GGA2: variants seen among roughly 807,000 people sequenced by gnomAD.
GGA2 encodes golgi associated, gamma adaptin ear containing, ARF binding protein 2, also known as ADP-ribosylation factor-binding protein GGA2.
GGA2 carries 48 observed loss-of-function variants against 79.5 expected under a neutral mutation model. The observed-to-expected ratio is 0.60, with a 90% CI of 0.48 to 0.77. The LOEUF is 0.77. Ranked by LOEUF, GGA2 falls within the 30% of genes least tolerant of loss-of-function variation. The pLI, the probability that GGA2 is intolerant of heterozygous loss-of-function variation, is 0.00. For synonymous variants in GGA2, 317 were observed against 302.0 expected (o/e 1.05, Z -0.51); for missense variants, 770 against 774.0 (o/e 0.99, Z 0.06).
chr16:23,485,201 G>C (rs1422548575), intron 8 of GGA2, among the ~76,000 whole-genome samples: 1 of 152,230 alleles, frequency 6.6e-6, no homozygotes, highest in Non-Finnish European at 1.5e-5. Flanking sequence ...GAGACAGAAA[G>C]TGGATTAGTG....
chr16:23,475,159 CA>C, intron 13 of GGA2, 98 bp from the exon 14 acceptor site: 2 of 650,560 alleles, frequency 3.1e-6, no homozygotes, highest in Non-Finnish European at 2.7e-6. Context: ...AAATAACACA[CA>C]CACACACACA....
At chr16:23,497,010 C>G (rs1964864546) in intron 1 of GGA2, among the ~76,000 whole-genome samples, 1 of 113,172 alleles carries the variant, frequency 8.8e-6, no homozygotes, top group Admixed American at 9.6e-5. Context: ...GTAGTCACAG[C>G]TACTCAGGAA....
intron 2 of GGA2, among the ~76,000 whole-genome samples, chr16:23,516,543 T>A (rs898664119): frequency 6.6e-6 from 1 of 152,170 alleles, no homozygotes; most frequent in Non-Finnish European, 1.5e-5. Flanking sequence ...CTCCTTGGCA[T>A]AGTTGCCAGA....
chr16:23,468,998 T>C lies in GGA2; in HGVS notation c.1621-2A>G. On this transcript the variant is annotated splice_acceptor_variant, in intron 15 of 16. Coordinates refer to ENST00000309859, the MANE Select transcript of GGA2 (RefSeq NM_015044.4). LOFTEE classifies it high-confidence loss of function. ...CGGCTGCAGCTTCACTCTCATTGAC[T>C]ATCAGGGGAAGAAAACCAACATGTA... is the stretch of plus-strand genomic sequence containing the variant. 1 of 1,586,692 alleles carries C rather than the reference T, an allele frequency of 6.3e-7. No homozygotes were observed. Among genetic ancestry groups the C allele is most frequent in the Non-Finnish European group, 8.7e-7 (1 of 1,155,118 alleles).
chr16:23,504,084 A>G (rs1172558988), intron 1 of GGA2, among the ~76,000 whole-genome samples: 3 of 151,410 alleles, frequency 2.0e-5, no homozygotes, highest in Non-Finnish European at 4.4e-5. Context: ...TCCGTCTCAA[A>G]AAAAAAAAAA....
At chr16:23,489,651 G>T (rs1964758294) in intron 5 of GGA2, among the ~76,000 whole-genome samples, 1 of 152,166 alleles carries the variant, frequency 6.6e-6, no homozygotes, top group South Asian at 2.1e-4. Context: ...AATACCAATA[G>T]TAACAACTAA....
chr16:23,495,795 A>C lies in GGA2; in HGVS notation c.92-17T>G. 1 of 1,559,448 alleles carries C rather than the reference A, an allele frequency of 6.4e-7. No homozygotes were observed. The highest frequency in any genetic ancestry group is 8.8e-7 in the Non-Finnish European group (1 of 1,132,066). On this transcript the variant is annotated splice_polypyrimidine_tract_variant and intron_variant, in intron 1 of 16. Transcript: ENST00000309859. ...TGGCTTTGTCTGTCAAATAAATAAT[A>C]AAGTTAGAGAGTACATAATAGGAAG...
chr16:23,473,903 CTGTT>C (rs1366390031), intron 14 of GGA2, among the ~76,000 whole-genome samples: 2 of 152,130 alleles, frequency 1.3e-5, no homozygotes, highest in South Asian at 4.1e-4. Context: ...TTTATCAACT[CTGTT>C]TATTTATAAA....
At chr16:23,500,193 G>A (rs544993042) in intron 1 of GGA2, among the ~76,000 whole-genome samples, 8 of 152,374 alleles carry the variant, frequency 5.3e-5, no homozygotes, top group African/African-American at 1.9e-4. Context: ...CGGGCTGCTA[G>A]TGGGGAGCAG....
At chr16:23,469,077 C>G in intron 15 of GGA2, 81 bp from the exon 16 acceptor site, 1 of 863,396 alleles carries the variant, frequency 1.2e-6, no homozygotes, top group Non-Finnish European at 2.0e-6. Context: ...GGGAGCTGGA[C>G]CTCCCCAACA....
chr16:23,470,145 C>G lies in GGA2; in HGVS notation c.1471G>C (p.Val491Leu), dbSNP rs769436325. The G allele has an allele frequency of 6.2e-7, 1 of 1,603,120 alleles. No individual in the cohort carries two copies. Among genetic ancestry groups the G allele is most frequent in the Non-Finnish European group, 8.5e-7 (1 of 1,175,696 alleles). ...ATTCTGAATCCATTCCGGTCATACA[C>G]AATGAGAGGCGGCAGGCTGCCTGGT... ...VKPSSLPPLI[V>L]YDRNGFRILL... is the part of the protein sequence containing the mutation. The change falls in exon 15 of 17, where the codon GTG (valine) becomes CTG (leucine). Residue 491 changes from valine to leucine, a missense_variant. Coordinates refer to ENST00000309859, the MANE Select transcript of GGA2 (RefSeq NM_015044.4).
In GGA2 at chr16:23,476,306, G is replaced by A. The variant is rs1001793843; in HGVS notation, c.1293-1245C>T. Among the ~76,000 whole-genome samples, 5 of 152,182 alleles carry A rather than the reference G, an allele frequency of 3.3e-5. No homozygotes were observed. In the East Asian group the frequency reaches 9.6e-4, roughly 29 times the overall value. On this transcript the variant is annotated intron_variant, in intron 13 of 16. Transcript: ENST00000309859. ...TGAACTCCCAGGACATCCCACTTCT[G>A]CCTGAGCCTGGTGGTTTCTATCAGG...
intron 1 of GGA2, among the ~76,000 whole-genome samples, chr16:23,497,555 G>A (rs901619906): frequency 2.6e-5 from 4 of 152,102 alleles, no homozygotes; most frequent in African/African-American, 7.2e-5. Flanking sequence ...GAACACAAGG[G>A]CGAGGGAAGG....
rs1033888974 is a variant in GGA2 at position 23,510,419 on chromosome 16, G to A, written c.-8C>T. ...CACCGCGGTCGCCGCCATCGCTCCA[G>A]CCCCGACGCTGCGGCCGCGGGCGCC... On this transcript the variant is annotated 5_prime_UTR_variant, in exon 1 of 17. Transcript: ENST00000309859. 7.0e-5 allele frequency: 84 copies of A among 1,191,692 alleles called. No homozygotes were observed. The African/African-American group carries it at 1.1e-3, about 15-fold the overall frequency. The allele number at this position is 1,191,692 out of a possible 1,614,324, so 73.8% of individuals were successfully genotyped here.
At chr16:23,485,777 T>C (rs1964703729) in intron 8 of GGA2, among the ~76,000 whole-genome samples, 1 of 152,196 alleles carries the variant, frequency 6.6e-6, no homozygotes, top group Admixed American at 6.5e-5. Context: ...TCATTCCATT[T>C]ATACAAGAGT....
intron 7 of GGA2, 80 bp downstream of exon 7, chr16:23,486,630 C>T (rs1029497874): frequency 8.1e-6 from 7 of 864,742 alleles, no homozygotes; most frequent in South Asian, 2.6e-5. Flanking sequence ...TCCTCTACCC[C>T]TCAAGCATAG....
At chr16:23,517,236 T>A (rs142811701) in intron 2 of GGA2, among the ~76,000 whole-genome samples, 1 of 4,386 alleles carries the variant, frequency 2.3e-4, no homozygotes, top group Non-Finnish European at 6.4e-4. Context: ...TTTTTCTTTT[T>A]TTTTTTTTTT....
chr16:23,483,647 T>G (rs893345101), intron 8 of GGA2, among the ~76,000 whole-genome samples: 1 of 151,904 alleles, frequency 6.6e-6, no homozygotes, highest in African/African-American at 2.4e-5. Flanking sequence ...GATTGTTTGT[T>G]TTTTTGGTTT....
chr16:23,478,660 C>T, intron 12 of GGA2, 159 bp from the exon 13 acceptor site: 1 of 782,548 alleles, frequency 1.3e-6, no homozygotes, highest in Non-Finnish European at 2.2e-6. Flanking sequence ...AGATCACATG[C>T]AGCTCCTGGG....
Sources: gnomAD v4.1 joint callset for allele counts (sites outside exome capture counted in the v4.1 genomes callset) on GRCh38, gnomAD v4.1.1 for gene constraint, MANE v1.5 for transcripts, NCBI Gene and HGNC (gene_info 2026-07-23, HGNC 2026-07-21) for gene names.